Variants in DNAI7 observed in about 807,000 individuals in gnomAD.
The protein encoded by DNAI7 is dynein axonemal intermediate chain 7, also known as cancer susceptibility 1.
Under a neutral mutation model 86.6 loss-of-function variants are expected in DNAI7, and 78 were observed. The observed-to-expected ratio is 0.90, with a 90% confidence interval of 0.75 to 1.09. The LOEUF (loss-of-function observed/expected upper bound fraction) is 1.09. Ranked by LOEUF, DNAI7 falls within the 50% of genes least tolerant of loss-of-function variation. DNAI7 has a pLI of 0.00. For missense variants in DNAI7, 753 were observed against 810.2 expected (o/e 0.93, Z 0.86); for synonymous variants, 274 against 273.0 (o/e 1.00, Z -0.04).
At position 25,174,674 on chromosome 12, in the gene DNAI7, T is replaced by G. The variant is rs139065709; in HGVS notation, c.22-13477A>C. Among the ~76,000 whole-genome samples the G allele has an allele frequency of 6.7e-4, 43 of 64,644 alleles. 7 individuals are homozygous for G. Among genetic ancestry groups the G allele is most frequent in the South Asian group, 3.6e-3 (8 of 2,192 alleles). The allele number at this position is 64,644 out of a possible 152,430, so 42.4% of individuals were successfully genotyped here. On this transcript the variant is annotated intron_variant, in intron 2 of 15. Coordinates refer to ENST00000395987, the MANE Select transcript of DNAI7 (RefSeq NM_018272.5). Reference sequence around the variant, plus strand: ...ATAGATATCATATATATGGAATATATATATCATATATATATGGAATATAGA... The same window carrying G: ...ATAGATATCATATATATGGAATATAGATATCATATATATATGGAATATAGA...
chr12:25,119,121 A>G, intron 12 of DNAI7, 24 bp downstream of exon 12: 1 of 1,561,870 alleles, frequency 6.4e-7, no homozygotes, highest in Non-Finnish European at 8.6e-7. Context: ...CCCTCCTTTT[A>G]TTACATAATT....
At position 25,195,108 on chromosome 12, in the gene DNAI7, C is replaced by G. The variant is rs1459648058; in HGVS notation, c.-30G>C. The G allele has an allele frequency of 3.1e-6, 5 of 1,611,852 alleles. No individual in the cohort carries two copies. On this transcript the variant is annotated 5_prime_UTR_variant, in exon 1 of 16. Coordinates refer to ENST00000395987, the MANE Select transcript of DNAI7 (RefSeq NM_018272.5). ...AGTCAAGCTCCACTGCAGTAGTCCG[C>G]AGAGTCGGAGCAGAAATTGTGTGGA...
At chr12:25,180,856 G>T (rs1949433604) in intron 2 of DNAI7, among the ~76,000 whole-genome samples, 1 of 152,108 alleles carries the variant, frequency 6.6e-6, no homozygotes. Flanking sequence ...CGCCCAGGCT[G>T]GAGTGTGTGG....
chr12:25,175,243 C>G (rs1184804996), intron 2 of DNAI7, among the ~76,000 whole-genome samples: 1 of 152,218 alleles, frequency 6.6e-6, no homozygotes, highest in Non-Finnish European at 1.5e-5. Flanking sequence ...GACTTTACCT[C>G]TTATGTCACT....
chr12:25,124,221 C>T (rs1202987310), intron 9 of DNAI7, among the ~76,000 whole-genome samples: 1 of 152,070 alleles, frequency 6.6e-6, no homozygotes, highest in Non-Finnish European at 1.5e-5. Context: ...AGACAAGTCC[C>T]CCTTAGTAGA....
intron 13 of DNAI7, among the ~76,000 whole-genome samples, chr12:25,113,537 C>T (rs970052171): frequency 3.3e-5 from 5 of 152,066 alleles, no homozygotes; most frequent in Non-Finnish European, 4.4e-5. Context: ...CCTGACCTCA[C>T]GATCCACCCA....
intron 2 of DNAI7, among the ~76,000 whole-genome samples, chr12:25,164,761 G>C (rs889187919): frequency 5.3e-5 from 8 of 151,902 alleles, no homozygotes; most frequent in Admixed American, 4.6e-4. Context: ...ACGCGTCGCT[G>C]AGTCTTCCTA....
intron 1 of DNAI7, among the ~76,000 whole-genome samples, chr12:25,193,369 T>G (rs1237012943): frequency 6.6e-6 from 1 of 152,202 alleles, no homozygotes; most frequent in African/African-American, 2.4e-5. Context: ...AATGAAGTTT[T>G]GTTGCCACAA....
chr12:25,142,170 A>G (rs970266663), intron 9 of DNAI7, among the ~76,000 whole-genome samples: 2 of 152,274 alleles, frequency 1.3e-5, no homozygotes, highest in Admixed American at 1.3e-4. Flanking sequence ...TCAGCCATAA[A>G]AGAGAATGAA....
chr12:25,151,909 A>G (rs1173301752), intron 6 of DNAI7, among the ~76,000 whole-genome samples: 1 of 152,222 alleles, frequency 6.6e-6, no homozygotes, highest in African/African-American at 2.4e-5. Flanking sequence ...CCCTCTTATG[A>G]CAACATGAAG....
At chr12:25,146,961 T>G (rs1247542728) in intron 8 of DNAI7, 40 bp downstream of exon 8, 1 of 1,042,940 alleles carries the variant, frequency 9.6e-7, no homozygotes, top group East Asian at 2.4e-5. Context: ...CTCAATGTCT[T>G]TCTTTCCACC....
chr12:25,122,531 A>C (rs929427366), intron 10 of DNAI7, among the ~76,000 whole-genome samples: 17 of 152,122 alleles, frequency 1.1e-4, no homozygotes, highest in Non-Finnish European at 1.8e-4. Context: ...AAAATATGCT[A>C]AGAAATATAT....
In DNAI7 at chr12:25,110,244, T is replaced by C; in HGVS notation, c.1780-4A>G. The C allele has an allele frequency of 2.0e-6, 3 of 1,528,854 alleles. No homozygotes were observed. The highest frequency in any genetic ancestry group is 2.7e-6 in the Non-Finnish European group (3 of 1,104,342). The allele number at this position is 1,528,854 out of a possible 1,614,324, so 94.7% of individuals were successfully genotyped here. A position where few individuals can be genotyped will look rare whatever the true frequency, so the allele number is the denominator to read the frequency against. ...CTTTCACTTCTACCAAAGGAACCTG[T>C]CAATATAAAAACAAATAGAATTGAT... On this transcript the variant is annotated splice_polypyrimidine_tract_variant and splice_region_variant and intron_variant, in intron 14 of 15. Transcript: ENST00000395987.
chr12:25,191,829 A>G (rs1382006190), intron 1 of DNAI7, among the ~76,000 whole-genome samples: 1 of 152,248 alleles, frequency 6.6e-6, no homozygotes, highest in African/African-American at 2.4e-5. Context: ...GATTTCAAAA[A>G]AGACTCACAG....
chr12:25,169,948 A>T (rs1227109145), intron 2 of DNAI7, among the ~76,000 whole-genome samples: 1 of 152,176 alleles, frequency 6.6e-6, no homozygotes, highest in Non-Finnish European at 1.5e-5. Flanking sequence ...CTAACACATA[A>T]GGACTCACAT....
chr12:25,144,305 G>C, intron 9 of DNAI7, 60 bp downstream of exon 9: 2 of 1,386,742 alleles, frequency 1.4e-6, no homozygotes, highest in South Asian at 1.3e-5. Context: ...AACACTTTAA[G>C]GGAATCTAAT....
intron 2 of DNAI7, among the ~76,000 whole-genome samples, chr12:25,174,372 T>A (rs201035499): frequency 0.11 from 651 of 6,030 alleles, 216 homozygotes; most frequent in African/African-American, 0.43. Flanking sequence ...CATATATATG[T>A]TATATCATAT....
intron 2 of DNAI7, among the ~76,000 whole-genome samples, chr12:25,187,341 A>G (rs1334666906): frequency 6.6e-6 from 1 of 152,048 alleles, no homozygotes; most frequent in African/African-American, 2.4e-5. Flanking sequence ...CTCTTCTTAA[A>G]TTTTACTTCC....
In DNAI7 at chr12:25,118,515, G is replaced by A. The variant is rs138284299; in HGVS notation, c.1396+630C>T. Among the ~76,000 whole-genome samples the A allele has an allele frequency of 2.7e-3, 412 of 151,816 alleles. 1 individual carries two copies. The highest frequency in any genetic ancestry group is 8.3e-3 in the African/African-American group (344 of 41,380). ...TGACCTCAGGTGATCCATCTGCCTC[G>A]GCCTCCCAAAGTGCTGAGATTGCAG... On this transcript the variant is annotated intron_variant, in intron 12 of 15. Coordinates refer to ENST00000395987, the MANE Select transcript of DNAI7 (RefSeq NM_018272.5).
Sources: gnomAD v4.1 joint callset for allele counts (sites outside exome capture counted in the v4.1 genomes callset) on GRCh38, gnomAD v4.1.1 for gene constraint, MANE v1.5 for transcripts, NCBI Gene and HGNC (gene_info 2026-07-23, HGNC 2026-07-21) for gene names.